Variants in COL5A2 observed in about 807,000 individuals in gnomAD.
COL5A2 encodes collagen alpha-2(V) chain.
COL5A2 carries 23 observed loss-of-function variants against 208.2 expected under a neutral mutation model. That is an observed-to-expected ratio of 0.11 (90% confidence interval 0.08 to 0.16). The LOEUF is 0.16. Ranked by LOEUF, COL5A2 falls within the 10% of genes least tolerant of loss-of-function variation. The pLI, the probability that COL5A2 is intolerant of heterozygous loss-of-function variation, is 1.00. For synonymous variants in COL5A2, 625 were observed against 628.5 expected, an observed-to-expected ratio of 0.99 and a Z score of 0.08; for missense variants, 1,590 against 1,956.4, an observed-to-expected ratio of 0.81 and a Z score of 3.53.
intron 1 of COL5A2, among the ~76,000 whole-genome samples, chr2:189,209,254 C>T (rs1689179962): frequency 6.6e-6 from 1 of 152,094 alleles, no homozygotes; most frequent in Admixed American, 6.5e-5. Flanking sequence ...CCCTGACTGA[C>T]ATAACCTCTT....
At chr2:189,247,344 C>A in the COL5A2 span, among the ~76,000 whole-genome samples, 6 of 152,036 alleles carry the variant, frequency 3.9e-5, no homozygotes, top group African/African-American at 1.5e-4. Flanking sequence ...GCTGTGTACC[C>A]CATCCTTTCT....
At chr2:189,083,883 C>A in intron 12 of COL5A2, 101 bp downstream of exon 12, 1 of 874,202 alleles carries the variant, frequency 1.1e-6, no homozygotes, top group Non-Finnish European at 1.9e-6. Context: ...CTGTTTGTCT[C>A]CATTTACTTA....
At chr2:189,341,020 T>C in the COL5A2 span, among the ~76,000 whole-genome samples, 1 of 152,226 alleles carries the variant, frequency 6.6e-6, no homozygotes, top group Non-Finnish European at 1.5e-5. Context: ...ACCTATAATA[T>C]GCAGATAGAC....
At chr2:189,253,431 G>C in the COL5A2 span, among the ~76,000 whole-genome samples, 9 of 152,316 alleles carry the variant, frequency 5.9e-5, no homozygotes, top group African/African-American at 2.2e-4. Flanking sequence ...TCCATACCGA[G>C]TTCTTGGCAA....
intron 45 of COL5A2, among the ~76,000 whole-genome samples, chr2:189,047,880 A>C (rs913412772): frequency 2.6e-5 from 4 of 152,250 alleles, no homozygotes; most frequent in Non-Finnish European, 4.4e-5. Context: ...TAGACATTAC[A>C]CAGCACTATT....
the COL5A2 span, among the ~76,000 whole-genome samples, chr2:189,391,418 C>A: frequency 6.6e-6 from 1 of 152,218 alleles, no homozygotes; most frequent in East Asian, 1.9e-4. Context: ...AATGAGAAAC[C>A]ACTGCTCTCA....
chr2:189,273,700 G>C, the COL5A2 span, among the ~76,000 whole-genome samples: 18 of 152,120 alleles, frequency 1.2e-4, no homozygotes, highest in African/African-American at 4.3e-4. Context: ...CCTGTCATTT[G>C]CAACAATACA....
rs1288919093 is a variant in COL5A2, at chr2:189,032,848, T to G, written c.*1222A>C. 2 of 152,604 alleles carry G rather than the reference T, an allele frequency of 1.3e-5. No homozygotes were observed. The highest frequency in any genetic ancestry group is 2.9e-5 in the Non-Finnish European group (2 of 68,016). The allele number at this position is 152,604 out of a possible 1,614,324, so 9.5% of individuals were successfully genotyped here. A position where few individuals can be genotyped will look rare whatever the true frequency, so the allele number is the denominator to read the frequency against. On this transcript the variant is annotated 3_prime_UTR_variant, in exon 54 of 54. Coordinates refer to ENST00000374866, the MANE Select transcript of COL5A2 (RefSeq NM_000393.5). ...GGTAGTGATTAAACCATCTTTATTT[T>G]TAAGGAATTTTATAGGAAGAATTTT...
chr2:189,320,374 A>C, the COL5A2 span, among the ~76,000 whole-genome samples: 1 of 152,204 alleles, frequency 6.6e-6, no homozygotes, highest in African/African-American at 2.4e-5. Context: ...CTCCGAGCTA[A>C]AGGGGGAAGT....
the COL5A2 span, among the ~76,000 whole-genome samples, chr2:189,312,884 A>G: frequency 6.6e-6 from 1 of 151,956 alleles, no homozygotes; most frequent in East Asian, 1.9e-4. Context: ...AAAAAAAAAA[A>G]TCACCCAAAA....
chr2:189,199,942 C>G (rs1214438535), intron 1 of COL5A2, among the ~76,000 whole-genome samples: 1 of 152,100 alleles, frequency 6.6e-6, no homozygotes, highest in African/African-American at 2.4e-5. Flanking sequence ...TGGGGTTAGG[C>G]CAATGGAAAG....
At chr2:189,095,353 G>T (rs1686884614) in intron 6 of COL5A2, among the ~76,000 whole-genome samples, 1 of 152,096 alleles carries the variant, frequency 6.6e-6, no homozygotes, top group African/African-American at 2.4e-5. Context: ...GGCATTAAAA[G>T]ATTTGTTAAA....
chr2:189,345,584 GA>G, the COL5A2 span, among the ~76,000 whole-genome samples: 14 of 151,912 alleles, frequency 9.2e-5, no homozygotes, highest in Admixed American at 3.9e-4. Flanking sequence ...AGTATCTCAG[GA>G]AAAAAAGGGA....
chr2:189,402,181 A>G, the COL5A2 span, among the ~76,000 whole-genome samples: 3 of 151,926 alleles, frequency 2.0e-5, no homozygotes, highest in Non-Finnish European at 4.4e-5. Context: ...GTTTCTTATA[A>G]GGTTTTTATA....
At chr2:189,177,231 G>A (rs1688693740) in intron 1 of COL5A2, among the ~76,000 whole-genome samples, 1 of 152,162 alleles carries the variant, frequency 6.6e-6, no homozygotes, top group Non-Finnish European at 1.5e-5. Flanking sequence ...TTTGAAAAAT[G>A]TACTTGCTTT....
intron 1 of COL5A2, among the ~76,000 whole-genome samples, chr2:189,125,445 T>G (rs1687589218): frequency 6.6e-6 from 1 of 152,114 alleles, no homozygotes; most frequent in African/African-American, 2.4e-5. Context: ...CAACACAGGT[T>G]TGAACTGCAT....
the COL5A2 span, among the ~76,000 whole-genome samples, chr2:189,297,468 A>G: frequency 6.6e-6 from 1 of 152,210 alleles, no homozygotes; most frequent in Non-Finnish European, 1.5e-5. Flanking sequence ...CCATAAATAT[A>G]TATACCTACT....
the COL5A2 span, among the ~76,000 whole-genome samples, chr2:189,330,101 T>G: frequency 6.6e-6 from 1 of 152,108 alleles, no homozygotes; most frequent in Non-Finnish European, 1.5e-5. Context: ...AAAGAACAAG[T>G]CAGCTACACA....
At chr2:189,412,808 C>T in the COL5A2 span, among the ~76,000 whole-genome samples, 1 of 152,174 alleles carries the variant, frequency 6.6e-6, no homozygotes, top group African/African-American at 2.4e-5. Context: ...AAAGAGCACA[C>T]ATCTCTTAAC....
Sources: allele counts gnomAD v4.1 joint callset (sites outside exome capture counted in the v4.1 genomes callset), GRCh38; gene constraint gnomAD v4.1.1; transcripts MANE v1.5; gene names NCBI Gene and HGNC (gene_info 2026-07-23, HGNC 2026-07-21).